The following MBP variants were observed in gnomAD, a reference collection of about 807,000 sequenced individuals.
The protein encoded by MBP is Golli-MBP.
A neutral mutation model predicts 35.8 loss-of-function variants in MBP; 16 were observed. The observed-to-expected ratio is 0.45, with a 90% confidence interval of 0.30 to 0.68. MBP has a LOEUF of 0.68. Among genes scored for constraint, MBP ranks in the 30% least tolerant of loss-of-function variants. The pLI is 0.08. For synonymous variants in MBP, 143 were observed against 159.6 expected (o/e 0.90, Z 0.78); for missense variants, 380 against 404.7 (o/e 0.94, Z 0.52).
chr18:77,114,167 G>A (rs988967043), intron 1 of MBP: 2 of 152,202 alleles, frequency 1.3e-5, no homozygotes, highest in African/African-American at 4.8e-5. Context: ...GTTTTCTTCT[G>A]CCTTAGCAGA....
upstream of MBP, among the ~76,000 whole-genome samples, chr18:77,133,317 C>T (rs1977347728): frequency 6.6e-6 from 1 of 151,852 alleles, no homozygotes; most frequent in African/African-American, 2.4e-5. Flanking sequence ...GGCAGGTGCT[C>T]CTCTGGGAGC....
intron 3 of MBP, among the ~76,000 whole-genome samples, chr18:77,059,034 C>A (rs1973856433): frequency 6.6e-6 from 1 of 151,622 alleles, no homozygotes; most frequent in Non-Finnish European, 1.5e-5. Flanking sequence ...TATTCAGCCA[C>A]GGGAAGGGCA....
Position 76,988,411 on chromosome 18 carries a change from C to G in MBP, c.750+84G>C. ...AGAGAAAAGGAGGCCAGGAAGCAAC[C>G]GAAACAGAGCAGAACACAAAAGTTG... On this transcript the variant is annotated intron_variant, in intron 7 of 8. Coordinates refer to ENST00000355994, the MANE Select transcript of MBP (RefSeq NM_001025101.2). This position sits in a 1 kb window ranked among gnomAD's most constrained non-coding sequence, Gnocchi z 5.2. 1 of 1,614,024 alleles carries G rather than the reference C, an allele frequency of 6.2e-7. No homozygotes were observed. The highest frequency in any genetic ancestry group is 8.5e-7 in the Non-Finnish European group (1 of 1,179,962).
intron 2 of MBP, among the ~76,000 whole-genome samples, chr18:77,067,214 C>G (rs553424589): frequency 6.6e-6 from 1 of 152,222 alleles, no homozygotes; most frequent in Non-Finnish European, 1.5e-5. Flanking sequence ...GATGCCCCCC[C>G]GCCCCCTTCT....
chr18:77,114,284 C>T (rs1976575258), intron 1 of MBP: 1 of 152,204 alleles, frequency 6.6e-6, no homozygotes, highest in Admixed American at 6.5e-5. Flanking sequence ...GAAAATCTGA[C>T]TGTGGTCCCT....
intron 2 of MBP, among the ~76,000 whole-genome samples, chr18:77,066,985 C>T (rs1295802552): frequency 1.3e-5 from 2 of 152,192 alleles, no homozygotes; most frequent in East Asian, 1.9e-4. Context: ...CTTTGCCTGT[C>T]GTTTGGGGCC....
At chr18:76,993,777 C>T (rs1454598628) in intron 4 of MBP, among the ~76,000 whole-genome samples, 2 of 152,114 alleles carry the variant, frequency 1.3e-5, no homozygotes, top group African/African-American at 2.4e-5. Context: ...TGGCGGGTAC[C>T]CCTCTGTTTA....
At chr18:77,062,291 G>A (rs1004137888) in intron 3 of MBP, among the ~76,000 whole-genome samples, 1 of 152,186 alleles carries the variant, frequency 6.6e-6, no homozygotes, top group Non-Finnish European at 1.5e-5. Flanking sequence ...ACTGACTCCT[G>A]CCTTCCTTCC....
At chr18:77,013,721 G>A (rs1300968524) in intron 4 of MBP, 10 of 985,294 alleles carry the variant, frequency 1.0e-5, no homozygotes, top group South Asian at 4.7e-5. Context: ...GCTAGCTTTC[G>A]AAAACCTCCC....
At chr18:77,046,106 C>T (rs181766754) in intron 3 of MBP, among the ~76,000 whole-genome samples, 1 of 152,308 alleles carries the variant, frequency 6.6e-6, no homozygotes, top group Non-Finnish European at 1.5e-5. Context: ...CTGGATCAAA[C>T]TTTGTCTATT....
At chr18:77,063,650 C>G (rs1974075881) in intron 3 of MBP, among the ~76,000 whole-genome samples, 1 of 152,192 alleles carries the variant, frequency 6.6e-6, no homozygotes, top group South Asian at 2.1e-4. Flanking sequence ...ATTGCTCTTC[C>G]TATCAAAACA....
chr18:77,072,115 C>T (rs1974477798), intron 2 of MBP, among the ~76,000 whole-genome samples: 1 of 152,148 alleles, frequency 6.6e-6, no homozygotes, highest in African/African-American at 2.4e-5. Context: ...GCTGCTTGGC[C>T]TTTGAAGGCT....
At chr18:77,045,720 A>G (rs1161068830) in intron 3 of MBP, among the ~76,000 whole-genome samples, 2 of 152,234 alleles carry the variant, frequency 1.3e-5, no homozygotes, top group African/African-American at 4.8e-5. Flanking sequence ...AAGTTGAAAA[A>G]TTACTATTGT....
chr18:77,130,818 C>T (rs577582761), intron 1 of MBP, among the ~76,000 whole-genome samples: 1 of 151,788 alleles, frequency 6.6e-6, no homozygotes, highest in Admixed American at 6.6e-5. Flanking sequence ...AGGTGTAAAA[C>T]AAGCGACGTG....
At chr18:77,029,326 A>T (rs1039450068) in intron 3 of MBP, among the ~76,000 whole-genome samples, 1 of 149,710 alleles carries the variant, frequency 6.7e-6, no homozygotes, top group East Asian at 2.0e-4. Context: ...CAGGAGAATC[A>T]GGCAGGGGGG....
intron 4 of MBP, among the ~76,000 whole-genome samples, chr18:76,998,083 AT>A (rs993741882): frequency 1.7e-4 from 26 of 152,346 alleles, no homozygotes; most frequent in African/African-American, 5.8e-4. Context: ...CACACATCAC[AT>A]TCGCACTGTT....
At chr18:77,127,016 C>G (rs1487749949) in intron 1 of MBP, among the ~76,000 whole-genome samples, 1 of 152,128 alleles carries the variant, frequency 6.6e-6, no homozygotes, top group Admixed American at 6.5e-5. Flanking sequence ...GGTTTTTGCA[C>G]CCATAAACGC....
intron 1 of MBP, among the ~76,000 whole-genome samples, chr18:77,105,598 C>T (rs998343164): frequency 6.6e-6 from 1 of 152,228 alleles, no homozygotes; most frequent in Non-Finnish European, 1.5e-5. Flanking sequence ...TATTCATCCA[C>T]CCATCCATCT....
At chr18:77,012,709 G>A (rs1034820152) in intron 4 of MBP, 1 of 879,142 alleles carries the variant, frequency 1.1e-6, no homozygotes, top group Admixed American at 6.2e-5. Flanking sequence ...AAAAATGCCG[G>A]CAACACAGCA....
Sources: allele counts gnomAD v4.1 joint callset (sites outside exome capture counted in the v4.1 genomes callset), GRCh38; gene constraint gnomAD v4.1.1; non-coding constraint Gnocchi (gnomAD v3.1); transcripts MANE v1.5; gene names NCBI Gene and HGNC (gene_info 2026-07-23, HGNC 2026-07-21).